RBFOX1: variants seen among roughly 807,000 people sequenced by gnomAD.
RBFOX1 encodes RNA binding fox-1 homolog 1.
In RBFOX1, 8 loss-of-function variants were observed where a neutral mutation model predicts 57.7. The observed-to-expected ratio is 0.14, with a 90% CI of 0.08 to 0.25. The LOEUF is 0.25. Among genes scored for constraint, RBFOX1 ranks in the 10% least tolerant of loss-of-function variants. The pLI is 1.00. For synonymous variants in RBFOX1, 326 were observed against 222.4 expected (o/e 1.47, Z -4.15); for missense variants, 611 against 548.5 (o/e 1.11, Z -1.14).
chr16:5,716,451 A>G (rs1462565642), intron 3 of RBFOX1, among the ~76,000 whole-genome samples: 2 of 152,244 alleles, frequency 1.3e-5, no homozygotes, highest in Non-Finnish European at 2.9e-5. Context: ...AATTGCATGA[A>G]AAAAACCTCA....
chr16:6,790,307 A>T (rs1322687777), intron 3 of RBFOX1, among the ~76,000 whole-genome samples: 1 of 151,496 alleles, frequency 6.6e-6, no homozygotes, highest in African/African-American at 2.4e-5. Flanking sequence ...GCCTCAGCTT[A>T]CCGAGTAGCT....
chr16:6,500,901 T>A (rs866221457), intron 2 of RBFOX1, among the ~76,000 whole-genome samples: 2 of 148,584 alleles, frequency 1.3e-5, no homozygotes, highest in East Asian at 2.0e-4. Flanking sequence ...TTTTTTTTTT[T>A]AATGCTGAGA....
At chr16:7,626,968 T>C (rs1051095538) in intron 10 of RBFOX1, among the ~76,000 whole-genome samples, 4 of 151,978 alleles carry the variant, frequency 2.6e-5, no homozygotes, top group African/African-American at 7.3e-5. Context: ...AAGTAGAAAA[T>C]TGTAGTAGAG....
intron 4 of RBFOX1, among the ~76,000 whole-genome samples, chr16:7,484,331 TG>T (rs1194145434): frequency 1.3e-5 from 2 of 152,216 alleles, no homozygotes; most frequent in African/African-American, 2.4e-5. Flanking sequence ...GTCTTCATTT[TG>T]GGGAGATAAA....
intron 3 of RBFOX1, among the ~76,000 whole-genome samples, chr16:6,888,744 T>C (rs1011563911): frequency 1.5e-4 from 23 of 152,280 alleles, no homozygotes; most frequent in African/African-American, 5.3e-4. Context: ...AGCCTTACTT[T>C]GTGAGCTCAT....
At chr16:7,450,266 C>G (rs777836399) in intron 4 of RBFOX1, among the ~76,000 whole-genome samples, 12 of 151,726 alleles carry the variant, frequency 7.9e-5, no homozygotes, top group Admixed American at 3.3e-4. Context: ...TGGTGACATA[C>G]GCCTGTAATC....
chr16:6,761,231 T>C (rs931860670), intron 3 of RBFOX1, among the ~76,000 whole-genome samples: 4 of 152,046 alleles, frequency 2.6e-5, no homozygotes, highest in African/African-American at 9.7e-5. Context: ...GCCCAGGTAA[T>C]TGGGGGAAAA....
chr16:6,631,769 G>A (rs1207531849), intron 2 of RBFOX1, among the ~76,000 whole-genome samples: 2 of 152,118 alleles, frequency 1.3e-5, no homozygotes, highest in Non-Finnish European at 2.9e-5. Flanking sequence ...TAGGGAGGAG[G>A]AGCAGCCACC....
At chr16:7,100,043 T>C (rs934416281) in intron 4 of RBFOX1, among the ~76,000 whole-genome samples, 1 of 151,090 alleles carries the variant, frequency 6.6e-6, no homozygotes, top group Non-Finnish European at 1.5e-5. Flanking sequence ...GAGGAGGGGG[T>C]CCTTTCACAT....
intron 3 of RBFOX1, among the ~76,000 whole-genome samples, chr16:6,779,997 T>C (rs868660421): frequency 4.9e-3 from 27 of 5,478 alleles, no homozygotes; most frequent in South Asian, 7.6e-3. Flanking sequence ...ATTTATATAT[T>C]TATATATATT....
chr16:7,313,636 A>T (rs556509195), intron 4 of RBFOX1, among the ~76,000 whole-genome samples: 1 of 152,062 alleles, frequency 6.6e-6, no homozygotes, highest in Non-Finnish European at 1.5e-5. Flanking sequence ...GAAATAATCA[A>T]TAACTTTTAT....
In RBFOX1 at chr16:7,293,032, C is replaced by G. The variant is rs970058122; in HGVS notation, c.28-225115C>G. Reference sequence around the variant, plus strand: ...GAAGTAAGGCAGAGAAAGTCTGGAACCAAGACAGTTTAATCAAAGTCGAGG... The same window carrying G: ...GAAGTAAGGCAGAGAAAGTCTGGAAGCAAGACAGTTTAATCAAAGTCGAGG... On this transcript the variant is annotated intron_variant, in intron 4 of 15. Coordinates refer to ENST00000550418, the MANE Select transcript of RBFOX1 (RefSeq NM_018723.4). Among the ~76,000 whole-genome samples the G allele has an allele frequency of 2.0e-5, 3 of 152,204 alleles. No individual in the cohort carries two copies. The East Asian group carries it at 5.8e-4, about 30-fold the overall frequency.
intron 2 of RBFOX1, among the ~76,000 whole-genome samples, chr16:5,596,575 C>G (rs1403158719): frequency 1.3e-5 from 2 of 152,082 alleles, no homozygotes; most frequent in Non-Finnish European, 2.9e-5. Flanking sequence ...AGGCCCGTCT[C>G]AAAGAAAGGA....
At chr16:6,142,288 C>A (rs2096723783) in intron 1 of RBFOX1, among the ~76,000 whole-genome samples, 1 of 128,886 alleles carries the variant, frequency 7.8e-6, no homozygotes, top group Non-Finnish European at 1.6e-5. Flanking sequence ...ATGGCGTGAT[C>A]TTGGCTCACT....
intron 4 of RBFOX1, among the ~76,000 whole-genome samples, chr16:7,422,472 G>A (rs1044064733): frequency 6.6e-6 from 1 of 152,170 alleles, no homozygotes; most frequent in Non-Finnish European, 1.5e-5. Flanking sequence ...GAAATAGGCA[G>A]CAATTCGATT....
At chr16:6,987,890 G>T (rs557082850) in intron 3 of RBFOX1, among the ~76,000 whole-genome samples, 56 of 152,186 alleles carry the variant, frequency 3.7e-4, no homozygotes, top group African/African-American at 1.3e-3. Flanking sequence ...ATCCCTATTC[G>T]GGTCAGAAAT....
chr16:7,406,182 A>G (rs2098337228), intron 4 of RBFOX1, among the ~76,000 whole-genome samples: 1 of 152,186 alleles, frequency 6.6e-6, no homozygotes, highest in South Asian at 2.1e-4. Context: ...AACCTCATCT[A>G]GATCATGACA....
intron 2 of RBFOX1, among the ~76,000 whole-genome samples, chr16:6,345,867 G>A (rs1188782389): frequency 2.6e-5 from 4 of 152,158 alleles, no homozygotes. Context: ...TACATTTTAG[G>A]GAAACATAAG....
intron 4 of RBFOX1, among the ~76,000 whole-genome samples, chr16:7,497,306 A>G (rs944694940): frequency 6.6e-6 from 1 of 152,104 alleles, no homozygotes; most frequent in Non-Finnish European, 1.5e-5. Flanking sequence ...TTATGCCCTG[A>G]TGCTGAGTGT....
Sources: gnomAD v4.1 joint callset for allele counts (sites outside exome capture counted in the v4.1 genomes callset) on GRCh38, gnomAD v4.1.1 for gene constraint, MANE v1.5 for transcripts, NCBI Gene and HGNC (gene_info 2026-07-23, HGNC 2026-07-21) for gene names.